Variants in AURKB observed in about 807,000 individuals in gnomAD.
AURKB encodes the protein aurora kinase B.
In AURKB, 28 loss-of-function variants were observed where a neutral mutation model predicts 36.5. The observed-to-expected ratio is 0.77, with a 90% CI of 0.57 to 1.05. The LOEUF is 1.05. AURKB is among the 50% of genes least tolerant of loss of function. The pLI is 0.00. For missense variants in AURKB, 383 were observed against 447.4 expected (o/e 0.86, Z 1.30); for synonymous variants, 175 against 172.9 (o/e 1.01, Z -0.09).
At chr17:8,207,433 C>T in intron 4 of AURKB, 66 bp from the exon 5 acceptor site, 2 of 1,576,140 alleles carry the variant, frequency 1.3e-6, no homozygotes, top group East Asian at 4.5e-5. Flanking sequence ...TGCTTTCTCT[C>T]TGCTTCCTCA....
chr17:8,210,353 G>A (rs1216395116), intron 1 of AURKB, 104 bp from the exon 2 acceptor site: 7 of 849,540 alleles, frequency 8.2e-6, no homozygotes, highest in African/African-American at 3.4e-5. Context: ...TGGTAAAAGG[G>A]AGCAGGTCAG....
intron 2 of AURKB, among the ~76,000 whole-genome samples, chr17:8,208,464 G>A (rs549891875): frequency 1.8e-3 from 248 of 140,694 alleles, no homozygotes; most frequent in African/African-American, 6.3e-3. Context: ...GGTGGCAGGC[G>A]CCTGTAATCC....
rs747784111 is a variant in AURKB, at chr17:8,206,481, G to C, written c.686+10C>G. ...CTCACACCCAGGTCTGGCCTCCCAG[G>C]CCACCATACCTCAGGGAGGGCGCAT... is the stretch of plus-strand genomic sequence containing the variant. On this transcript the variant is annotated intron_variant, in intron 7 of 8. Transcript: ENST00000585124. This position sits in a 1 kb window ranked among gnomAD's most constrained non-coding sequence, Gnocchi z 4.2. The C allele has an allele frequency of 6.2e-7, 1 of 1,613,980 alleles. No individual in the cohort carries two copies. The highest frequency in any genetic ancestry group is 1.7e-5 in the Admixed American group (1 of 60,006).
chr17:8,210,364 C>A, intron 1 of AURKB, 115 bp from the exon 2 acceptor site: 1 of 745,484 alleles, frequency 1.3e-6, no homozygotes, highest in East Asian at 2.8e-5. Context: ...AGCAGGTCAG[C>A]ACACTAGCCC....
At chr17:8,205,191 C>T (rs2151466103) in intron 8 of AURKB, 25 bp downstream of exon 8, 2 of 1,594,972 alleles carry the variant, frequency 1.3e-6, no homozygotes, top group Non-Finnish European at 1.7e-6. Context: ...CAGCAGCTGG[C>T]ACGAAGCCCA....
rs1171880193 is a variant in AURKB at position 8,210,336 on chromosome 17, C to T, written c.-25-87G>A. ...GGACCGATCGAGCCGGAAGCGCTAG[C>T]CCGAGCTGGTAAAAGGGAGCAGGTC... On this transcript the variant is annotated intron_variant, in intron 1 of 8. Transcript: ENST00000585124. 4.8e-6 allele frequency: 5 copies of T among 1,039,020 alleles called. No individual in the cohort carries two copies. The African/African-American group carries it at 6.4e-5, about 13-fold the overall frequency. The allele number at this position is 1,039,020 out of a possible 1,614,324, so 64.4% of individuals were successfully genotyped here.
chr17:8,210,555 C>T lies in AURKB; in HGVS notation c.-51G>A, dbSNP rs1985969066. ...CTGGGGTCCAAGGCACTGCTACTCTCCCGGCCGCCCGCAAACAACTGAATC... is the reference window on the plus strand; with the variant it reads ...CTGGGGTCCAAGGCACTGCTACTCTTCCGGCCGCCCGCAAACAACTGAATC... On this transcript the variant is annotated 5_prime_UTR_variant, in exon 1 of 9. Transcript: ENST00000585124. 2.6e-6 allele frequency: 1 copy of T among 382,396 alleles called. No individual in the cohort carries two copies. Among genetic ancestry groups the T allele is most frequent in the African/African-American group, 2.2e-5 (1 of 46,494 alleles). The allele number at this position is 382,396 out of a possible 1,614,324, so 23.7% of individuals were successfully genotyped here.
chr17:8,206,820 T>C lies in AURKB; in HGVS notation c.467A>G (p.Tyr156Cys). 1.2e-6 allele frequency: 2 copies of C among 1,614,230 alleles called. No homozygotes were observed. Among genetic ancestry groups the C allele is most frequent in the Non-Finnish European group, 1.7e-6 (2 of 1,180,044 alleles). The change falls in exon 6 of 9, where the codon TAT (tyrosine) becomes TGT (cysteine). Residue 156 changes from tyrosine (Y) to cysteine (C), a missense_variant. By Grantham distance (194) the Tyr-to-Cys change is radical. Coordinates refer to ENST00000585124, the MANE Select transcript of AURKB (RefSeq NM_004217.4). The surrounding 1 kb of genome is among the most constrained non-coding windows in gnomAD (Gnocchi z 4.2). ...CTTGTAGAGCTCCCCGCGGGGGGCA[T>C]ACTCTAGAATCAAGTAGATCCTCCT... The part of the protein sequence containing the change: ...DRRRIYLILE[Y>C]APRGELYKEL...
chr17:8,207,720 C>G lies in AURKB; in HGVS notation c.151+18G>C. ...GGTCATCTCCCCAGCTCAGTCCTCTCCCCCTTGCGCCAGTTACCTGTGGGC... is the reference window on the plus strand; with the variant it reads ...GGTCATCTCCCCAGCTCAGTCCTCTGCCCCTTGCGCCAGTTACCTGTGGGC... On this transcript the variant is annotated intron_variant, in intron 3 of 8. Transcript: ENST00000585124. The G allele has an allele frequency of 1.2e-6, 2 of 1,613,954 alleles. No individual in the cohort carries two copies. Among genetic ancestry groups the G allele is most frequent in the Non-Finnish European group, 1.7e-6 (2 of 1,179,862 alleles).
rs537970656 is a variant in AURKB at position 8,204,754 on chromosome 17, C to T, written c.*117G>A. 1,768 of 1,401,980 alleles carry T rather than the reference C, an allele frequency of 1.3e-3. 3 individuals are homozygous for T. Among genetic ancestry groups the T allele is most frequent in the Non-Finnish European group, 1.5e-3 (1,486 of 1,018,714 alleles). The allele number at this position is 1,401,980 out of a possible 1,614,324, so 86.8% of individuals were successfully genotyped here. On this transcript the variant is annotated 3_prime_UTR_variant, in exon 9 of 9. Coordinates refer to ENST00000585124, the MANE Select transcript of AURKB (RefSeq NM_004217.4). ...ACTCATGAGTACAAAAAGCTTCAGC[C>T]TTTATTAAACAAAGGAGGAGGTAGA...
rs767826491 is a variant in AURKB, at chr17:8,207,578, T to A, written c.199A>T (p.Ile67Phe). Residue 67 changes from isoleucine to phenylalanine, a missense_variant, in exon 4 of 9, where the codon ATC becomes TTC. By Grantham distance (21) the Ile-to-Phe change is conservative. Coordinates refer to ENST00000585124, the MANE Select transcript of AURKB (RefSeq NM_004217.4). ...VMENSSGTPD[I>F]LTRHFTIDDF... ...CAGGCTTGGGGCACTTACGTTAAGA[T>A]GTCGGGTGTCCCACTGCTATTCTCC... 6.2e-7 allele frequency: 1 copy of A among 1,613,594 alleles called. No homozygotes were observed. The highest frequency in any genetic ancestry group is 8.5e-7 in the Non-Finnish European group (1 of 1,179,646).
Position 8,205,259 on chromosome 17 carries a change from A to G in AURKB, c.818T>C (p.Phe273Ser), listed in dbSNP as rs1985083942. The G allele has an allele frequency of 6.2e-7, 1 of 1,614,108 alleles. No homozygotes were observed. The highest frequency in any genetic ancestry group is 2.2e-5 in the East Asian group (1 of 44,888). ...CYELLVGNPP[F>S]ESASHNETYR... ...GGTCTCGTTGTGTGATGCACTCTCA[A>G]AGGGTGGGTTCCCCACCAGCAGCTC... Residue 273 changes from phenylalanine (F) to serine (S), a missense_variant, in exon 8 of 9, where the codon TTT (phenylalanine) becomes TCT (serine). Transcript: ENST00000585124.
In AURKB at chr17:8,206,629, T is replaced by A; in HGVS notation, c.548A>T (p.Glu183Val). ...GCAGTACATTAGAGCATCTGCCAAC[T>A]CCTCCATGATCTGGGAGGGGCAACG... ...DEQRTATIME[E>V]LADALMYCHG... Residue 183 changes from glutamate to valine, a missense_variant, in exon 7 of 9, where the codon GAG becomes GTG. Transcript: ENST00000585124. The surrounding 1 kb of genome is among the most constrained non-coding windows in gnomAD (Gnocchi z 4.2). 1 of 1,614,190 alleles carries A rather than the reference T, an allele frequency of 6.2e-7. No homozygotes were observed. Among genetic ancestry groups the A allele is most frequent in the Non-Finnish European group, 8.5e-7 (1 of 1,180,042 alleles).
At position 8,206,601 on chromosome 17, in the gene AURKB, A is replaced by T. The variant is rs750597634; in HGVS notation, c.576T>A (p.His192Gln). 6.2e-7 allele frequency: 1 copy of T among 1,614,032 alleles called. No homozygotes were observed. Among genetic ancestry groups the T allele is most frequent in the Non-Finnish European group, 8.5e-7 (1 of 1,180,034 alleles). ...TGTCTCTGTGAATCACCTTCTTCCC[A>T]TGGCAGTACATTAGAGCATCTGCCA... ...EELADALMYCHGKKVIHRDIK... is the reference protein window; with the variant it reads ...EELADALMYCQGKKVIHRDIK... The change falls in exon 7 of 9, where the codon CAT becomes CAA. Residue 192 changes from histidine to glutamine, a missense_variant. This residue lies in a region of AURKB where 219 missense variants were observed against 252.6 expected (regional missense o/e 0.87). Transcript: ENST00000585124. The surrounding 1 kb of genome is among the most constrained non-coding windows in gnomAD (Gnocchi z 4.2).
At chr17:8,207,892 G>A (rs1450613532) in intron 2 of AURKB, 52 bp from the exon 3 acceptor site, 12 of 1,451,334 alleles carry the variant, frequency 8.3e-6, no homozygotes, top group Non-Finnish European at 1.1e-5. Context: ...GATGACCGGG[G>A]TGGAATGTGC....
rs781602367 is a variant in AURKB, at chr17:8,206,712, G to T, written c.537+38C>A. On this transcript the variant is annotated intron_variant, in intron 6 of 8. Transcript: ENST00000585124. This position sits in a 1 kb window ranked among gnomAD's most constrained non-coding sequence, Gnocchi z 4.2. ...ACAAGCAGCACACCCTCAGCCTCGA[G>T]CCCCCTACTGGCGCCCCAGGTGCCC... The T allele has an allele frequency of 2.5e-6, 4 of 1,612,526 alleles. No homozygotes were observed. In the East Asian group the frequency reaches 8.9e-5, roughly 36 times the overall value.
chr17:8,205,171 C>G (rs773539689), intron 8 of AURKB, 45 bp downstream of exon 8: 23 of 1,578,048 alleles, frequency 1.5e-5, no homozygotes, highest in Non-Finnish European at 2.0e-5. Context: ...AGCCCCCCAG[C>G]TCCTGGCTTC....
rs76841187 is a variant in AURKB at position 8,210,567 on chromosome 17, C to A, written c.-63G>T. On this transcript the variant is annotated 5_prime_UTR_variant, in exon 1 of 9. Coordinates refer to ENST00000585124, the MANE Select transcript of AURKB (RefSeq NM_004217.4). ...GCACTGCTACTCTCCCGGCCGCCCG[C>A]AAACAACTGAATCTGCCACGCCGCG... 5,029 of 369,018 alleles carry A rather than the reference C, an allele frequency of 0.014. 53 individuals are homozygous for A. Among genetic ancestry groups the A allele is most frequent in the Middle Eastern group, 0.037 (50 of 1,352 alleles). The allele number at this position is 369,018 out of a possible 1,614,324, so 22.9% of individuals were successfully genotyped here. A position where few individuals can be genotyped will look rare whatever the true frequency, so the allele number is the denominator to read the frequency against.
chr17:8,206,721 T>TTA lies in AURKB; in HGVS notation c.537+28_537+29insTA, dbSNP rs1473066744. The TTA allele has an allele frequency of 6.2e-7, 1 of 1,612,722 alleles. No individual in the cohort carries two copies. The highest frequency in any genetic ancestry group is 1.7e-5 in the Admixed American group (1 of 60,000). ...ACACCCTCAGCCTCGAGCCCCCTAC[T>TTA]GGCGCCCCAGGTGCCCACCCGCCCG... On this transcript the variant is annotated intron_variant, in intron 6 of 8. Transcript: ENST00000585124. The surrounding 1 kb of genome is among the most constrained non-coding windows in gnomAD (Gnocchi z 4.2).
Sources: gnomAD v4.1 joint callset for allele counts (sites outside exome capture counted in the v4.1 genomes callset) on GRCh38, gnomAD v4.1.1 for gene constraint, gnomAD v4.1.1 regional missense constraint, Gnocchi (gnomAD v3.1) non-coding constraint, MANE v1.5 for transcripts, NCBI Gene and HGNC (gene_info 2026-07-23, HGNC 2026-07-21) for gene names.